RBM4: variants seen among roughly 807,000 people sequenced by gnomAD.
The protein encoded by RBM4 is RNA binding motif protein 4.
Under a neutral mutation model 29.5 loss-of-function variants are expected in RBM4, and 7 were observed. The ratio of observed to expected loss-of-function variants is 0.24; its 90% CI spans 0.14 to 0.45. RBM4 has a LOEUF of 0.45. RBM4 is among the 20% of genes least tolerant of loss of function. The pLI, the probability that RBM4 is intolerant of heterozygous loss-of-function variation, is 1.00. For missense variants in RBM4, 387 were observed against 502.3 expected (o/e 0.77, Z 2.19); for synonymous variants, 220 against 205.4 (o/e 1.07, Z -0.61).
intron 2 of RBM4, among the ~76,000 whole-genome samples, chr11:66,653,805 CTCT>C (rs1565085894): frequency 6.6e-6 from 1 of 151,128 alleles, no homozygotes; most frequent in African/African-American, 2.4e-5. Flanking sequence ...TTTCTTTTTT[CTCT>C]TTTTTTTTTT....
At chr11:66,649,121 C>T (rs905127728), downstream of RBM4, among the ~76,000 whole-genome samples, 1 of 152,082 alleles carries the variant, frequency 6.6e-6, no homozygotes, top group African/African-American at 2.4e-5. Flanking sequence ...ATTCTCCTGC[C>T]TCAGCCTCCT....
chr11:66,643,729 A>G lies in RBM4; in HGVS notation c.692A>G (p.Tyr231Cys), dbSNP rs369513157. The G allele has an allele frequency of 2.5e-6, 4 of 1,613,954 alleles. No homozygotes were observed. Among genetic ancestry groups the G allele is most frequent in the Middle Eastern group, 1.6e-4 (1 of 6,084 alleles). ...YYKRCRAARS[Y>C]EAVAAAAASV... ...AAGCGCTGCCGTGCTGCCCGGTCCT[A>G]TGAGGCAGTGGCAGCTGCAGCTGCC... The change falls in exon 3 of 4, where the codon TAT (tyrosine) becomes TGT (cysteine). Residue 231 changes from tyrosine (Y) to cysteine (C), a missense_variant. Tyr to Cys is a radical substitution (Grantham distance 194). This residue lies in a region of RBM4 where 281 missense variants were observed against 288.7 expected (regional missense o/e 0.97). Coordinates refer to ENST00000310092, the MANE Select transcript of RBM4 (RefSeq NM_002896.4). This position sits in a 1 kb window ranked among gnomAD's most constrained non-coding sequence, Gnocchi z 6.1.
At chr11:66,649,247 G>A (rs1938773828), downstream of RBM4, among the ~76,000 whole-genome samples, 1 of 152,098 alleles carries the variant, frequency 6.6e-6, no homozygotes, top group Admixed American at 6.6e-5. Flanking sequence ...CAAGTGATCC[G>A]CCTGCCTCCT....
intron 2 of RBM4, among the ~76,000 whole-genome samples, chr11:66,658,356 T>TTTTTC (rs1402304208): frequency 6.8e-6 from 1 of 147,982 alleles, no homozygotes; most frequent in African/African-American, 2.5e-5. Flanking sequence ...TTTTTTTTTT[T>TTTTTC]TTTTTTCGTT....
In RBM4 at chr11:66,639,897, G is replaced by A. The variant is rs199920130; in HGVS notation, c.186G>A (p.Gly62=). The change falls in exon 2 of 4, where the codon GGG becomes GGA. Residue 62 remains glycine (G), a synonymous_variant. Transcript: ENST00000310092. The part of the protein sequence containing the change: ...IRNLHHYKLH[G]VNINVEASKN... ...ACCTGCACCATTACAAGCTTCATGG[G>A]GTGAACATCAACGTGGAAGCCAGCA... 11 of 1,614,010 alleles carry A rather than the reference G, an allele frequency of 6.8e-6. 1 individual carries two copies. The highest frequency in any genetic ancestry group is 2.2e-5 in the South Asian group (2 of 91,084).
intron 2 of RBM4, among the ~76,000 whole-genome samples, chr11:66,641,842 T>C (rs1938478019): frequency 6.6e-6 from 1 of 152,234 alleles, no homozygotes; most frequent in Non-Finnish European, 1.5e-5. Context: ...TTGGGTATCT[T>C]CTCTATTGCT....
chr11:66,640,256 T>C, intron 2 of RBM4, 133 bp downstream of exon 2: 1 of 1,221,688 alleles, frequency 8.2e-7, no homozygotes, highest in Non-Finnish European at 1.2e-6. Flanking sequence ...GTGTGGGTGA[T>C]GGACTTCTTA....
exon 3 of RBM4, chr11:66,668,364 A>T (rs1939323700): frequency 2.2e-6 from 1 of 445,182 alleles, no homozygotes; most frequent in Admixed American, 3.7e-5. Context: ...TGATTAAAGA[A>T]TGTTCTCACT....
intron 3 of RBM4, chr11:66,644,649 A>G (rs1938614301): frequency 1.0e-6 from 1 of 979,234 alleles, no homozygotes; most frequent in Non-Finnish European, 1.2e-6. Flanking sequence ...AGTTACTAAG[A>G]AGACTACCAA....
At chr11:66,659,808 A>G (rs1359860506) in intron 2 of RBM4, among the ~76,000 whole-genome samples, 4 of 152,268 alleles carry the variant, frequency 2.6e-5, no homozygotes, top group South Asian at 4.1e-4. Flanking sequence ...AGACCATGCT[A>G]TCCTCTCCCA....
chr11:66,657,997 G>A (rs982095772), intron 2 of RBM4, among the ~76,000 whole-genome samples: 6 of 152,130 alleles, frequency 3.9e-5, no homozygotes, highest in African/African-American at 1.4e-4. Flanking sequence ...TGGGATTACA[G>A]GCGTGAGCCA....
At chr11:66,645,889 T>G in intron 3 of RBM4, 138 bp from the exon 4 acceptor site, 1 of 1,447,656 alleles carries the variant, frequency 6.9e-7, no homozygotes, top group African/African-American at 1.4e-5. Flanking sequence ...TAGAGATTAC[T>G]GTGATACTGG....
At chr11:66,657,108 C>CTTTTTTTTTTT in intron 2 of RBM4, among the ~76,000 whole-genome samples, 1 of 93,438 alleles carries the variant, frequency 1.1e-5, no homozygotes, top group Non-Finnish European at 2.1e-5. Context: ...ATTTTTTAGT[C>CTTTTTTTTTTT]TTTTTTTTTT....
chr11:66,639,970 C>A lies in RBM4; in HGVS notation c.259C>A (p.Pro87Thr), dbSNP rs1336530720. The change falls in exon 2 of 4, where the codon CCC becomes ACC. Residue 87 changes from proline (P) to threonine (T), a missense_variant. Physicochemically the swap from Pro to Thr is conservative, Grantham distance 38. Around this residue, in one of 2 missense-constraint regions of RBM4, gnomAD observed 106 missense variants for 213.6 expected, o/e 0.50. Coordinates refer to ENST00000310092, the MANE Select transcript of RBM4 (RefSeq NM_002896.4). ...STKLHVGNIS[P>T]TCTNKELRAK... ...AAAGTTGCATGTGGGCAACATCAGT[C>A]CCACCTGCACCAATAAGGAGCTTCG... 3.1e-6 allele frequency: 5 copies of A among 1,614,068 alleles called. No homozygotes were observed. Among genetic ancestry groups the A allele is most frequent in the Non-Finnish European group, 4.2e-6 (5 of 1,180,048 alleles).
At chr11:66,659,915 T>C (rs1939041358) in intron 2 of RBM4, among the ~76,000 whole-genome samples, 1 of 152,202 alleles carries the variant, frequency 6.6e-6, no homozygotes, top group South Asian at 2.1e-4. Flanking sequence ...TTGTGAAATG[T>C]ATGTAAATCA....
downstream of RBM4, among the ~76,000 whole-genome samples, chr11:66,648,860 A>G (rs1386004278): frequency 1.3e-5 from 2 of 150,948 alleles, no homozygotes; most frequent in Non-Finnish European, 3.0e-5. Context: ...AGAGCAAGTC[A>G]TTTTTGCTTT....
rs1343680462 is a variant in RBM4 at position 66,658,947 on chromosome 11, A to AAT, written c.413-6892_413-6891dup. ...GCAAGAGTGTCTCTCAAAAAAAAAA[A>AAT]ATATATATATATATATATTCAGTTT... On this transcript the variant is annotated intron_variant, in intron 2 of 2. Coordinates refer to the RBM4 transcript ENST00000396053. Among the ~76,000 whole-genome samples the AAT allele has an allele frequency of 9.5e-3, 1,397 of 147,546 alleles. 32 individuals carry two copies. Among genetic ancestry groups the AAT allele is most frequent in the African/African-American group, 0.034 (1,353 of 40,060 alleles).
downstream of RBM4, among the ~76,000 whole-genome samples, chr11:66,648,225 AT>A (rs1438363524): frequency 6.6e-6 from 1 of 151,970 alleles, no homozygotes; most frequent in Non-Finnish European, 1.5e-5. Context: ...ATAAAATAAA[AT>A]TTTAAGTCCT....
exon 3 of RBM4, chr11:66,667,407 T>C (rs777659771): frequency 6.6e-6 from 1 of 152,200 alleles, no homozygotes; most frequent in African/African-American, 2.4e-5. Context: ...ACTCCTTAAA[T>C]GTTCCTCTCT....
Sources: allele counts gnomAD v4.1 joint callset (sites outside exome capture counted in the v4.1 genomes callset), GRCh38; gene constraint gnomAD v4.1.1; regional missense constraint gnomAD v4.1.1; non-coding constraint Gnocchi (gnomAD v3.1); transcripts MANE v1.5; gene names NCBI Gene and HGNC (gene_info 2026-07-23, HGNC 2026-07-21).